Variants in SGCZ observed in about 807,000 individuals in gnomAD.
SGCZ encodes the protein sarcoglycan zeta, also known as zeta-sarcoglycan.
In SGCZ, 40 loss-of-function variants were observed where a neutral mutation model predicts 41.3. The observed-to-expected ratio is 0.97, with a 90% CI of 0.75 to 1.26. The LOEUF (loss-of-function observed/expected upper bound fraction) is 1.26, where lower values mean the gene tolerates loss of function less well. Ranked by LOEUF, SGCZ falls within the 50% of genes most tolerant of loss-of-function variation. The pLI is 0.00. For synonymous variants in SGCZ, 206 were observed against 137.5 expected (o/e 1.50, Z -3.49); for missense variants, 552 against 369.8 (o/e 1.49, Z -4.04).
chr8:14,559,009 C>A (rs1804124869), intron 1 of SGCZ, among the ~76,000 whole-genome samples: 1 of 151,978 alleles, frequency 6.6e-6, no homozygotes, highest in African/African-American at 2.4e-5. Flanking sequence ...TATGACAAAC[C>A]CTCAGTCAAC....
intron 4 of SGCZ, among the ~76,000 whole-genome samples, chr8:14,187,219 G>T (rs1174238808): frequency 6.6e-6 from 1 of 152,150 alleles, no homozygotes; most frequent in East Asian, 1.9e-4. Context: ...TCTAAGAGTT[G>T]GGGAGTGAGG....
intron 1 of SGCZ, among the ~76,000 whole-genome samples, chr8:14,832,421 G>T (rs1057077930): frequency 1.3e-5 from 2 of 152,142 alleles, no homozygotes; most frequent in African/African-American, 4.8e-5. Context: ...GACCAGGCAA[G>T]ACCAAGAGGT....
chr8:14,534,518 G>T (rs189688192), intron 2 of SGCZ, among the ~76,000 whole-genome samples: 1 of 151,942 alleles, frequency 6.6e-6, no homozygotes, highest in Non-Finnish European at 1.5e-5. Context: ...TAATATATGA[G>T]GAGCATTTTA....
intron 1 of SGCZ, among the ~76,000 whole-genome samples, chr8:14,895,357 A>G (rs1805158157): frequency 6.6e-6 from 1 of 152,134 alleles, no homozygotes; most frequent in South Asian, 2.1e-4. Flanking sequence ...TTAAATAATT[A>G]AAGTAACCAG....
At chr8:14,851,066 A>C (rs1333210320) in intron 1 of SGCZ, among the ~76,000 whole-genome samples, 2 of 152,166 alleles carry the variant, frequency 1.3e-5, no homozygotes, top group Non-Finnish European at 2.9e-5. Flanking sequence ...AGTGGAAGAA[A>C]GCTTTTAAAG....
At chr8:14,376,762 C>A (rs1804146995) in intron 2 of SGCZ, among the ~76,000 whole-genome samples, 1 of 152,122 alleles carries the variant, frequency 6.6e-6, no homozygotes, top group Non-Finnish European at 1.5e-5. Flanking sequence ...CTACAAATAT[C>A]ATGTCAAATG....
chr8:14,383,550 G>C (rs1480065925), intron 2 of SGCZ, among the ~76,000 whole-genome samples: 2 of 152,182 alleles, frequency 1.3e-5, no homozygotes, highest in African/African-American at 4.8e-5. Context: ...AATGGTAGAT[G>C]TTAAACAGCA....
intron 2 of SGCZ, among the ~76,000 whole-genome samples, chr8:14,487,452 T>C (rs926593417): frequency 2.0e-5 from 3 of 152,372 alleles, no homozygotes; most frequent in Non-Finnish European, 2.9e-5. Flanking sequence ...TCTTACTTTA[T>C]GATTACTTGT....
At chr8:14,805,721 C>T (rs1801498034) in intron 1 of SGCZ, among the ~76,000 whole-genome samples, 1 of 151,982 alleles carries the variant, frequency 6.6e-6, no homozygotes, top group South Asian at 2.1e-4. Flanking sequence ...AGCTCTGTAC[C>T]AAGCGGACGT....
chr8:14,098,905 C>T (rs1801926729), intron 7 of SGCZ, among the ~76,000 whole-genome samples: 1 of 152,078 alleles, frequency 6.6e-6, no homozygotes, highest in Non-Finnish European at 1.5e-5. Flanking sequence ...TCAGCATAGC[C>T]ATAATGGTGT....
In SGCZ at chr8:14,122,643, T is replaced by A. The variant is rs182920204; in HGVS notation, c.548-14408A>T. 4.0e-4 allele frequency among the ~76,000 whole-genome samples: 61 copies of A among 152,330 alleles called. 2 individuals are homozygous for A. The East Asian group carries it at 8.1e-3, about 20-fold the overall frequency. On this transcript the variant is annotated intron_variant, in intron 5 of 7. Transcript: ENST00000382080. Reference sequence around the variant, plus strand: ...ATGAATATTAAATATCCATAAGATATGCATAAATGTCTACATTTTTAAAGA... The same window carrying A: ...ATGAATATTAAATATCCATAAGATAAGCATAAATGTCTACATTTTTAAAGA...
At chr8:14,793,068 C>G (rs990057092) in intron 1 of SGCZ, among the ~76,000 whole-genome samples, 1 of 152,198 alleles carries the variant, frequency 6.6e-6, no homozygotes, top group Non-Finnish European at 1.5e-5. Flanking sequence ...TCTATCTCCA[C>G]CATGTTCCTA....
intron 4 of SGCZ, among the ~76,000 whole-genome samples, chr8:14,208,475 T>G (rs969444020): frequency 6.6e-6 from 1 of 152,146 alleles, no homozygotes. Context: ...GAAAAATATA[T>G]AGAGCTGATA....
chr8:14,226,684 G>A (rs770151660), intron 4 of SGCZ, among the ~76,000 whole-genome samples: 2 of 152,074 alleles, frequency 1.3e-5, no homozygotes, highest in South Asian at 4.1e-4. Flanking sequence ...ACTTTATGGT[G>A]TAAACATGTT....
chr8:14,123,244 G>C (rs552013578), intron 5 of SGCZ, among the ~76,000 whole-genome samples: 12 of 152,120 alleles, frequency 7.9e-5, no homozygotes, highest in Non-Finnish European at 1.5e-4. Flanking sequence ...TGATTCACTT[G>C]TCTTAAAGAC....
At chr8:15,211,577 A>T (rs1217444178) in intron 1 of SGCZ, among the ~76,000 whole-genome samples, 1 of 152,126 alleles carries the variant, frequency 6.6e-6, no homozygotes, top group African/African-American at 2.4e-5. Flanking sequence ...CACCGACTAC[A>T]TATTAACCTG....
intron 3 of SGCZ, among the ~76,000 whole-genome samples, chr8:14,283,737 G>C (rs35790742): frequency 1.3e-5 from 2 of 152,066 alleles, no homozygotes; most frequent in South Asian, 4.1e-4. Flanking sequence ...AATAGTTTAG[G>C]ATTTCTGGGC....
intron 1 of SGCZ, among the ~76,000 whole-genome samples, chr8:14,811,125 C>G (rs1384073468): frequency 2.0e-5 from 3 of 151,878 alleles, no homozygotes; most frequent in Non-Finnish European, 4.4e-5. Context: ...ATATAGAACA[C>G]AGAAATAAAC....
intron 5 of SGCZ, among the ~76,000 whole-genome samples, chr8:14,163,414 A>G (rs1007779858): frequency 1.3e-5 from 2 of 152,294 alleles, no homozygotes; most frequent in East Asian, 3.9e-4. Flanking sequence ...AAATGAGAAC[A>G]TGTGGTGTTT....
Sources: gnomAD v4.1 joint callset for allele counts (sites outside exome capture counted in the v4.1 genomes callset) on GRCh38, gnomAD v4.1.1 for gene constraint, MANE v1.5 for transcripts, NCBI Gene and HGNC (gene_info 2026-07-23, HGNC 2026-07-21) for gene names.